LHFPL3: variants seen among roughly 807,000 people sequenced by gnomAD.
LHFPL3 encodes the protein LHFPL tetraspan subfamily member 3, also known as LHFPL tetraspan subfamily member 3 protein.
A neutral mutation model predicts 19.3 loss-of-function variants in LHFPL3; 5 were observed. The ratio of observed to expected loss-of-function variants is 0.26; its 90% CI spans 0.14 to 0.54. LHFPL3 has a LOEUF of 0.54. LHFPL3 is among the 20% of genes least tolerant of loss of function. LHFPL3 has a pLI of 0.94. For missense variants in LHFPL3, 249 were observed against 307.4 expected (o/e 0.81, Z 1.42); for synonymous variants, 133 against 126.2 (o/e 1.05, Z -0.36).
chr7:104,533,863 T>C (rs1230909048), intron 1 of LHFPL3, among the ~76,000 whole-genome samples: 2 of 152,210 alleles, frequency 1.3e-5, no homozygotes, highest in Non-Finnish European at 1.5e-5. Flanking sequence ...CTGATGATAT[T>C]GTCCTATGAG....
At chr7:104,363,824 G>A (rs577629636) in intron 1 of LHFPL3, among the ~76,000 whole-genome samples, 1 of 152,342 alleles carries the variant, frequency 6.6e-6, no homozygotes, top group African/African-American at 2.4e-5. Context: ...GGAAAAGCAG[G>A]AAGGATGCTG....
At chr7:104,703,529 C>G (rs113666738) in intron 1 of LHFPL3, among the ~76,000 whole-genome samples, 1 of 152,134 alleles carries the variant, frequency 6.6e-6, no homozygotes, top group African/African-American at 2.4e-5. Flanking sequence ...ATGCTTTTGA[C>G]TTTGAATTCT....
At chr7:104,714,299 A>G (rs1170212435) in intron 1 of LHFPL3, among the ~76,000 whole-genome samples, 1 of 152,206 alleles carries the variant, frequency 6.6e-6, no homozygotes. Flanking sequence ...AAAGCCCAGC[A>G]TTCTCAATAA....
intron 1 of LHFPL3, among the ~76,000 whole-genome samples, chr7:104,673,281 C>T (rs1792522294): frequency 6.6e-6 from 1 of 152,212 alleles, no homozygotes; most frequent in East Asian, 1.9e-4. Flanking sequence ...TCTTGGGAAA[C>T]ACTAATCGTT....
At chr7:104,678,469 G>A (rs911377157) in intron 1 of LHFPL3, among the ~76,000 whole-genome samples, 1 of 152,108 alleles carries the variant, frequency 6.6e-6, no homozygotes, top group Non-Finnish European at 1.5e-5. Context: ...CTCTTTTCTG[G>A]TACCTCGTTT....
intron 1 of LHFPL3, among the ~76,000 whole-genome samples, chr7:104,666,035 TA>T (rs1207495037): frequency 6.6e-6 from 1 of 152,222 alleles, no homozygotes; most frequent in Non-Finnish European, 1.5e-5. Context: ...AATGATTTTT[TA>T]AATATTTATT....
intron 2 of LHFPL3, among the ~76,000 whole-genome samples, chr7:104,791,286 G>A (rs1790018009): frequency 6.6e-6 from 1 of 152,204 alleles, no homozygotes. Flanking sequence ...AAAAGGCTGA[G>A]AACAAAGCCT....
intron 2 of LHFPL3, among the ~76,000 whole-genome samples, chr7:104,824,894 A>T (rs1000579056): frequency 7.3e-6 from 1 of 136,992 alleles, no homozygotes; most frequent in Non-Finnish European, 1.5e-5. Flanking sequence ...ATTATATAAT[A>T]ATTGTATATA....
intron 1 of LHFPL3, among the ~76,000 whole-genome samples, chr7:104,544,689 A>G (rs2115886988): frequency 6.6e-6 from 1 of 152,276 alleles, no homozygotes; most frequent in Middle Eastern, 3.4e-3. Flanking sequence ...TTCATAGTGC[A>G]TCTCTATATA....
chr7:104,332,597 AATT>A (rs1362152029), intron 1 of LHFPL3, among the ~76,000 whole-genome samples: 2 of 152,160 alleles, frequency 1.3e-5, no homozygotes, highest in African/African-American at 4.8e-5. Flanking sequence ...CAATATAAAA[AATT>A]ATTATTTTTA....
chr7:104,643,272 A>C (rs1005105277), intron 1 of LHFPL3, among the ~76,000 whole-genome samples: 5 of 152,208 alleles, frequency 3.3e-5, no homozygotes, highest in African/African-American at 1.2e-4. Context: ...GACATGGTAA[A>C]TAAAAATTCT....
At chr7:104,533,515 T>C (rs1220200999) in intron 1 of LHFPL3, among the ~76,000 whole-genome samples, 1 of 152,166 alleles carries the variant, frequency 6.6e-6, no homozygotes, top group Non-Finnish European at 1.5e-5. Flanking sequence ...CACCTCAAAC[T>C]CAACATGTCC....
At chr7:104,800,399 C>T (rs892789095) in intron 2 of LHFPL3, among the ~76,000 whole-genome samples, 1 of 152,104 alleles carries the variant, frequency 6.6e-6, no homozygotes, top group African/African-American at 2.4e-5. Flanking sequence ...TCCAAACACT[C>T]CTAACCTACA....
chr7:104,559,767 G>A (rs61614585), intron 1 of LHFPL3, among the ~76,000 whole-genome samples: 14,734 of 148,876 alleles, frequency 0.099, 1,597 homozygotes, highest in African/African-American at 0.28. Flanking sequence ...CCAGTTTTCA[G>A]AGGGAATGCT....
At chr7:104,693,525 G>A (rs993954595) in intron 1 of LHFPL3, among the ~76,000 whole-genome samples, 1 of 152,130 alleles carries the variant, frequency 6.6e-6, no homozygotes, top group African/African-American at 2.4e-5. Flanking sequence ...TCTCATGATA[G>A]TGCGTGAGTC....
chr7:104,635,928 T>G (rs1056279707), intron 1 of LHFPL3, among the ~76,000 whole-genome samples: 7 of 152,172 alleles, frequency 4.6e-5, no homozygotes, highest in Non-Finnish European at 1.0e-4. Flanking sequence ...GAAATTGTAC[T>G]GAGAGGCTGT....
At chr7:104,891,424 GCCAAATT>G (rs1792244134) in intron 2 of LHFPL3, among the ~76,000 whole-genome samples, 1 of 152,042 alleles carries the variant, frequency 6.6e-6, no homozygotes, top group Non-Finnish European at 1.5e-5. Context: ...AGGAAATCAG[GCCAAATT>G]TCATCCCTTT....
chr7:104,824,796 G>T (rs1790784420), intron 2 of LHFPL3, among the ~76,000 whole-genome samples: 2 of 112,856 alleles, frequency 1.8e-5, no homozygotes, highest in African/African-American at 3.5e-5. Context: ...AAACTTCTCT[G>T]TTTCAAAAAA....
chr7:104,482,244 C>T (rs2073790), intron 1 of LHFPL3, among the ~76,000 whole-genome samples: 58,058 of 152,038 alleles, frequency 0.38, 12,012 homozygotes, highest in Middle Eastern at 0.52. Flanking sequence ...TTACCCACTT[C>T]CCTCAATTCC....
Sources: allele counts gnomAD v4.1 joint callset (sites outside exome capture counted in the v4.1 genomes callset), GRCh38; gene constraint gnomAD v4.1.1; transcripts MANE v1.5; gene names NCBI Gene and HGNC (gene_info 2026-07-23, HGNC 2026-07-21).